LRP1B: variants seen among roughly 807,000 people sequenced by gnomAD.
LRP1B encodes the protein low-density lipoprotein receptor-related protein 1B.
Under a neutral mutation model 556.6 loss-of-function variants are expected in LRP1B, and 217 were observed. The observed-to-expected ratio is 0.39, with a 90% CI of 0.35 to 0.44. The LOEUF (loss-of-function observed/expected upper bound fraction) is 0.44. Among genes scored for constraint, LRP1B ranks in the 20% least tolerant of loss-of-function variants. LRP1B has a pLI of 1.00. For synonymous variants in LRP1B, 2,047 were observed against 1,865.8 expected (o/e 1.10, Z -2.50); for missense variants, 5,053 against 5,620.8 (o/e 0.90, Z 3.23).
chr2:141,465,743 T>C (rs995156345), intron 3 of LRP1B, among the ~76,000 whole-genome samples: 1 of 151,936 alleles, frequency 6.6e-6, no homozygotes, highest in Non-Finnish European at 1.5e-5. Context: ...AGAGACAGGT[T>C]TTTTCCATGT....
At chr2:141,062,833 T>C (rs1227298443) in intron 7 of LRP1B, among the ~76,000 whole-genome samples, 1 of 151,830 alleles carries the variant, frequency 6.6e-6, no homozygotes, top group Non-Finnish European at 1.5e-5. Context: ...CCACCAAAAC[T>C]TATCCCAAAT....
rs35948232 is a variant in LRP1B, at chr2:140,478,144, C to CT, written c.9426-2808dup. ...GATTTTAGGACAAAGTATAACTTAA[C>CT]TTTTTTTTTTTTTTTTTTTTTTTGA... On this transcript the variant is annotated intron_variant, in intron 59 of 90. Transcript: ENST00000389484. Among the ~76,000 whole-genome samples, 102 of 62,632 alleles carry CT rather than the reference C, an allele frequency of 1.6e-3. 5 individuals are homozygous for CT. The highest frequency in any genetic ancestry group is 0.011 in the Middle Eastern group (1 of 94). The allele number at this position is 62,632 out of a possible 152,430, so 41.1% of individuals were successfully genotyped here. A position where few individuals can be genotyped will look rare whatever the true frequency, so the allele number is the denominator to read the frequency against.
Position 140,373,122 on chromosome 2 carries a change from T to C in LRP1B, c.10654A>G (p.Ser3552Gly), listed in dbSNP as rs764298553. 2 of 1,613,074 alleles carry C rather than the reference T, an allele frequency of 1.2e-6. No individual in the cohort carries two copies. The highest frequency in any genetic ancestry group is 1.7e-6 in the Non-Finnish European group (2 of 1,179,424). The stretch of plus-strand genomic sequence containing the variant: ...CACCGGAACTGATCTTTGGAACAAC[T>C]TGTCTCACAATTTCTCTATGAAAAA... ...DGSDERNCET[S>G]CSKDQFRCSN... The change falls in exon 69 of 91, where the codon AGT (serine) becomes GGT (glycine). Residue 3552 changes from serine (S) to glycine (G), a missense_variant. Ser to Gly is a moderately conservative substitution (Grantham distance 56, BLOSUM62 0). Coordinates refer to ENST00000389484, the MANE Select transcript of LRP1B (RefSeq NM_018557.3).
intron 3 of LRP1B, among the ~76,000 whole-genome samples, chr2:141,351,157 TA>T (rs1341992980): frequency 3.9e-5 from 6 of 152,020 alleles, no homozygotes; most frequent in Admixed American, 3.9e-4. Flanking sequence ...ATGATGGATA[TA>T]AGCACTGGAT....
chr2:141,118,654 G>T (rs144301870), intron 7 of LRP1B, among the ~76,000 whole-genome samples: 125 of 151,876 alleles, frequency 8.2e-4, no homozygotes, highest in Non-Finnish European at 1.6e-3. Flanking sequence ...TGCACACTCT[G>T]GACCACACTG....
At chr2:140,740,382 A>C (rs981809793) in intron 35 of LRP1B, among the ~76,000 whole-genome samples, 2 of 152,162 alleles carry the variant, frequency 1.3e-5, no homozygotes, top group African/African-American at 4.8e-5. Flanking sequence ...ATGAGATTGG[A>C]GACTATTATT....
At chr2:140,694,252 A>C (rs958173165) in intron 41 of LRP1B, among the ~76,000 whole-genome samples, 7 of 152,198 alleles carry the variant, frequency 4.6e-5, no homozygotes, top group African/African-American at 1.7e-4. Flanking sequence ...GAAGCTGTTA[A>C]GTTCCTTACG....
chr2:141,414,249 A>G (rs1415172648), intron 3 of LRP1B, among the ~76,000 whole-genome samples: 1 of 150,696 alleles, frequency 6.6e-6, no homozygotes, highest in Non-Finnish European at 1.5e-5. Flanking sequence ...AAAAAAAAAA[A>G]AAAAGAAAAA....
At chr2:141,352,612 TTTAAACAGA>T (rs1688486536) in intron 3 of LRP1B, among the ~76,000 whole-genome samples, 1 of 151,886 alleles carries the variant, frequency 6.6e-6, no homozygotes, top group Non-Finnish European at 1.5e-5. Flanking sequence ...TGATAAAATT[TTTAAACAGA>T]TGCTTACCCA....
intron 3 of LRP1B, among the ~76,000 whole-genome samples, chr2:141,339,861 T>C (rs1521109): frequency 0.6 from 91,255 of 151,568 alleles, 28,334 homozygotes; most frequent in African/African-American, 0.68. Flanking sequence ...AAAGGCTGGG[T>C]GTTTAGTGCA....
At chr2:140,456,764 C>G (rs1025525519) in intron 61 of LRP1B, among the ~76,000 whole-genome samples, 161 bp from the exon 62 acceptor site, 1 of 152,130 alleles carries the variant, frequency 6.6e-6, no homozygotes, top group Non-Finnish European at 1.5e-5. Context: ...TACTTTGTCA[C>G]AAATGCTACT....
At chr2:140,495,299 T>C (rs1041652415) in intron 56 of LRP1B, among the ~76,000 whole-genome samples, 7 of 149,330 alleles carry the variant, frequency 4.7e-5, no homozygotes, top group Non-Finnish European at 1.0e-4. Context: ...CAGGAAGCAG[T>C]GCTAGAGATA....
In LRP1B at chr2:141,348,700, T is replaced by C. The variant is rs61393938; in HGVS notation, c.344-94059A>G. ...ATTGATTCCAGGTGGCCAGACTTAG[T>C]GGTAATCCATGAAGATTTTGCTAGT... On this transcript the variant is annotated intron_variant, in intron 3 of 90. Transcript: ENST00000389484. Among the ~76,000 whole-genome samples the C allele has an allele frequency of 6.7e-3, 1,022 of 152,140 alleles. 20 individuals carry two copies. Among genetic ancestry groups the C allele is most frequent in the African/African-American group, 0.024 (985 of 41,504 alleles).
At chr2:140,293,391 A>G (rs948738650) in intron 84 of LRP1B, among the ~76,000 whole-genome samples, 9 of 152,152 alleles carry the variant, frequency 5.9e-5, no homozygotes, top group African/African-American at 2.2e-4. Context: ...AACTTACTTA[A>G]AGAATACTTG....
At chr2:141,240,778 G>A (rs184751076) in intron 5 of LRP1B, among the ~76,000 whole-genome samples, 86 of 152,078 alleles carry the variant, frequency 5.7e-4, no homozygotes, top group Middle Eastern at 3.4e-3. Flanking sequence ...ATATGGCCAC[G>A]TAATTTTTCA....
intron 2 of LRP1B, among the ~76,000 whole-genome samples, chr2:141,768,072 T>A (rs1184809839): frequency 6.6e-6 from 1 of 152,142 alleles, no homozygotes; most frequent in African/African-American, 2.4e-5. Flanking sequence ...TAGTTGTAAA[T>A]AATCCAATAA....
At position 140,850,262 on chromosome 2, in the gene LRP1B, G is replaced by A. The variant is rs1409289230; in HGVS notation, c.4779C>T (p.Tyr1593=). 4 of 1,613,650 alleles carry A rather than the reference G, an allele frequency of 2.5e-6. No homozygotes were observed. The highest frequency in any genetic ancestry group is 2.2e-5 in the East Asian group (1 of 44,808). The change falls in exon 29 of 91, where the codon TAC becomes TAT. Residue 1593 remains tyrosine, a synonymous_variant. Coordinates refer to ENST00000389484, the MANE Select transcript of LRP1B (RefSeq NM_018557.3). ...CTGTAAATGCCGTGATGAAGTTAAA[G>A]TATGGATTGTCAATATCCACTCCTC... ...EIRGVDIDNP[Y]FNFITAFTVP... is the part of the protein sequence containing the mutation.
intron 3 of LRP1B, among the ~76,000 whole-genome samples, chr2:141,410,240 T>A (rs1308102002): frequency 6.6e-6 from 1 of 152,028 alleles, no homozygotes; most frequent in African/African-American, 2.4e-5. Context: ...CCATCCCCAT[T>A]GTAGGGCACA....
At chr2:140,810,509 G>T (rs1002827015) in intron 32 of LRP1B, among the ~76,000 whole-genome samples, 1 of 152,068 alleles carries the variant, frequency 6.6e-6, no homozygotes, top group East Asian at 1.9e-4. Flanking sequence ...AGCCTCAGCA[G>T]CAAGTAGGCC....
Sources: gnomAD v4.1 joint callset for allele counts (sites outside exome capture counted in the v4.1 genomes callset) on GRCh38, gnomAD v4.1.1 for gene constraint, MANE v1.5 for transcripts, NCBI Gene and HGNC (gene_info 2026-07-23, HGNC 2026-07-21) for gene names.